STK38L: variants seen among roughly 807,000 people sequenced by gnomAD.
STK38L encodes the protein serine/threonine kinase 38 like, also known as serine/threonine-protein kinase 38-like.
Under a neutral mutation model 59.7 loss-of-function variants are expected in STK38L, and 28 were observed. The observed-to-expected ratio is 0.47, with a 90% CI of 0.35 to 0.64. The LOEUF is 0.64. STK38L is among the 30% of genes least tolerant of loss of function. STK38L has a pLI of 0.01. For missense variants in STK38L, 314 were observed against 555.8 expected (o/e 0.56, Z 4.37); for synonymous variants, 162 against 176.8 (o/e 0.92, Z 0.66).
At position 27,296,622 on chromosome 12, in the gene STK38L, CA is replaced by C. The variant is rs1944029423; in HGVS notation, c.-11-1086del. On this transcript the variant is annotated intron_variant, in intron 1 of 13. Coordinates refer to ENST00000389032, the MANE Select transcript of STK38L (RefSeq NM_015000.4). ...GGTGGCAGGTTTGGGGAACACTTTTCAACTAAGAATGCTTTGGATGGTCACT... is the reference window on the plus strand; with the variant it reads ...GGTGGCAGGTTTGGGGAACACTTTTCACTAAGAATGCTTTGGATGGTCACT... Among the ~76,000 whole-genome samples the C allele has an allele frequency of 2.0e-5, 3 of 152,166 alleles. 1 individual carries two copies. The highest frequency in any genetic ancestry group is 2.0e-4 in the Admixed American group (3 of 15,274).
intron 9 of STK38L, among the ~76,000 whole-genome samples, chr12:27,315,925 T>C (rs775957203): frequency 2.8e-4 from 42 of 152,210 alleles, no homozygotes; most frequent in Middle Eastern, 3.2e-3. Context: ...AATAGAAGAA[T>C]TGCTTCCCCT....
rs7304025 is a variant in STK38L, at chr12:27,308,926, A to G, written c.310-188A>G. 0.16 allele frequency among the ~76,000 whole-genome samples: 23,251 copies of G among 145,584 alleles called. 2,070 individuals are homozygous for G. Among genetic ancestry groups the G allele is most frequent in the East Asian group, 0.31 (1,582 of 5,112 alleles). ...TATATATAAATATATATTAATATATATAAAATATATATAAATATATATATA... is the reference window on the plus strand; with the variant it reads ...TATATATAAATATATATTAATATATGTAAAATATATATAAATATATATATA... On this transcript the variant is annotated intron_variant, in intron 4 of 13. Coordinates refer to ENST00000389032, the MANE Select transcript of STK38L (RefSeq NM_015000.4). The surrounding 1 kb of genome is among the most constrained non-coding windows in gnomAD (Gnocchi z 4.5).
At chr12:27,260,986 T>A (rs1184904028) in intron 1 of STK38L, among the ~76,000 whole-genome samples, 1 of 152,218 alleles carries the variant, frequency 6.6e-6, no homozygotes, top group African/African-American at 2.4e-5. Context: ...GACTTACTTT[T>A]CTTTTCTCTG....
At chr12:27,244,652 T>C (rs1404131878) in intron 1 of STK38L, among the ~76,000 whole-genome samples, 1 of 152,104 alleles carries the variant, frequency 6.6e-6, no homozygotes, top group Non-Finnish European at 1.5e-5. Context: ...TCACAAACAA[T>C]AACAAATGTC....
chr12:27,256,032 G>A (rs527272526), intron 1 of STK38L, among the ~76,000 whole-genome samples: 4 of 152,224 alleles, frequency 2.6e-5, no homozygotes, highest in East Asian at 1.9e-4. Flanking sequence ...CCCTTGACTC[G>A]TCCTCCTTGT....
intron 1 of STK38L, among the ~76,000 whole-genome samples, chr12:27,286,919 A>T (rs1284608952): frequency 6.6e-6 from 1 of 152,126 alleles, no homozygotes; most frequent in East Asian, 1.9e-4. Context: ...TGTGTCTTTG[A>T]TTCACTAGTA....
At chr12:27,312,155 A>G (rs187220277) in intron 5 of STK38L, among the ~76,000 whole-genome samples, 30 of 152,348 alleles carry the variant, frequency 2.0e-4, no homozygotes, top group Non-Finnish European at 3.1e-4. Flanking sequence ...CTGGGATTAC[A>G]GGCGTGAGCC....
At chr12:27,268,284 A>G (rs1943342904) in intron 1 of STK38L, among the ~76,000 whole-genome samples, 1 of 151,744 alleles carries the variant, frequency 6.6e-6, no homozygotes, top group African/African-American at 2.4e-5. Context: ...CCACCCCACA[A>G]CAGGCCCCAG....
chr12:27,294,851 C>T (rs1337905419), intron 1 of STK38L, among the ~76,000 whole-genome samples: 1 of 149,788 alleles, frequency 6.7e-6, no homozygotes, highest in Non-Finnish European at 1.5e-5. Context: ...GCTGTGACTA[C>T]AGGTGTGCAC....
At chr12:27,268,337 T>C (rs376604912) in intron 1 of STK38L, among the ~76,000 whole-genome samples, 8 of 152,134 alleles carry the variant, frequency 5.3e-5, no homozygotes, top group African/African-American at 1.4e-4. Flanking sequence ...TCTCATTGTT[T>C]AATTCCCACC....
chr12:27,311,460 G>A (rs760615349), intron 5 of STK38L, among the ~76,000 whole-genome samples: 2 of 152,226 alleles, frequency 1.3e-5, no homozygotes, highest in Middle Eastern at 3.4e-3. Context: ...AGTTTTTAAC[G>A]TTGCACAATG....
At chr12:27,300,718 A>G (rs982146385) in intron 2 of STK38L, 5 of 424,686 alleles carry the variant, frequency 1.2e-5, no homozygotes, top group African/African-American at 4.1e-5. Flanking sequence ...GCACCAAGGT[A>G]GGTGCCTATG....
chr12:27,315,107 A>C lies in STK38L; in HGVS notation c.765A>C (p.Pro255=), dbSNP rs1465098787. 3 of 1,613,354 alleles carry C rather than the reference A, an allele frequency of 1.9e-6. No homozygotes were observed. In the Admixed American group the frequency reaches 5.0e-5, roughly 27 times the overall value. Residue 255 remains proline (P), a synonymous_variant, in exon 8 of 14, where the codon CCA becomes CCC. Transcript: ENST00000389032. ...EFYRNLTHNP[P]SDFSFQNMNS... Reference sequence around the variant, plus strand: ...ATAGAAATCTCACACACAACCCACCAAGTGACTTCTGTAAGTTTGGTTGTT... The same window carrying C: ...ATAGAAATCTCACACACAACCCACCCAGTGACTTCTGTAAGTTTGGTTGTT...
At chr12:27,271,891 G>A (rs898116916) in intron 1 of STK38L, among the ~76,000 whole-genome samples, 3 of 152,038 alleles carry the variant, frequency 2.0e-5, no homozygotes, top group Admixed American at 2.0e-4. Flanking sequence ...GTAGAGACAG[G>A]GTTTCACCAT....
At chr12:27,251,720 A>G (rs922286035) in intron 1 of STK38L, among the ~76,000 whole-genome samples, 1 of 152,238 alleles carries the variant, frequency 6.6e-6, no homozygotes, top group Non-Finnish European at 1.5e-5. Flanking sequence ...TCATTATAGC[A>G]TGGCATTTTC....
chr12:27,271,451 A>C (rs1337693468), intron 1 of STK38L, among the ~76,000 whole-genome samples: 2 of 152,222 alleles, frequency 1.3e-5, no homozygotes, highest in Admixed American at 1.3e-4. Flanking sequence ...TTGGTTCCTC[A>C]TGAGTGGATG....
At chr12:27,252,399 A>G (rs1942995406) in intron 1 of STK38L, among the ~76,000 whole-genome samples, 1 of 149,790 alleles carries the variant, frequency 6.7e-6, no homozygotes, top group South Asian at 2.2e-4. Context: ...TCAATGATCC[A>G]TTTTTGACAT....
At chr12:27,312,115 G>A (rs1330005593) in intron 5 of STK38L, among the ~76,000 whole-genome samples, 6 of 151,416 alleles carry the variant, frequency 4.0e-5, no homozygotes, top group Non-Finnish European at 5.9e-5. Flanking sequence ...TCCTGACCTC[G>A]TGATCCACCT....
intron 1 of STK38L, among the ~76,000 whole-genome samples, chr12:27,249,940 T>C (rs1296124043): frequency 1.3e-5 from 2 of 152,224 alleles, no homozygotes; most frequent in Non-Finnish European, 2.9e-5. Context: ...TGGGACACTT[T>C]TACTGCTTTT....
Sources: gnomAD v4.1 joint callset for allele counts (sites outside exome capture counted in the v4.1 genomes callset) on GRCh38, gnomAD v4.1.1 for gene constraint, Gnocchi (gnomAD v3.1) non-coding constraint, MANE v1.5 for transcripts, NCBI Gene and HGNC (gene_info 2026-07-23, HGNC 2026-07-21) for gene names.